The following AUTS2 variants were observed in gnomAD, a reference collection of about 807,000 sequenced individuals.
AUTS2 encodes the protein activator of transcription and developmental regulator AUTS2, also known as autism susceptibility gene 2 protein.
In AUTS2, 17 loss-of-function variants were observed where a neutral mutation model predicts 112.4. The ratio of observed to expected loss-of-function variants is 0.15; its 90% CI spans 0.10 to 0.23. The LOEUF (loss-of-function observed/expected upper bound fraction) is 0.23, where lower values mean the gene tolerates loss of function less well. AUTS2 is among the 10% of genes least tolerant of loss of function. The pLI, the probability that AUTS2 is intolerant of heterozygous loss-of-function variation, is 1.00. For missense variants in AUTS2, 1,510 were observed against 1,701.6 expected, an observed-to-expected ratio of 0.89 and a Z score of 1.98; for synonymous variants, 751 against 702.7, an observed-to-expected ratio of 1.07 and a Z score of -1.09.
chr7:70,175,219 A>G (rs1254177950), intron 4 of AUTS2, among the ~76,000 whole-genome samples: 1 of 152,196 alleles, frequency 6.6e-6, no homozygotes, highest in Non-Finnish European at 1.5e-5. Context: ...ATGCATGGAA[A>G]TATCAAGAGA....
intron 1 of AUTS2, among the ~76,000 whole-genome samples, chr7:69,753,616 C>T (rs565870602): frequency 6.6e-6 from 1 of 152,140 alleles, no homozygotes. Flanking sequence ...TGTGAACAAC[C>T]TTTGTTAGTG....
intron 1 of AUTS2, among the ~76,000 whole-genome samples, chr7:69,640,725 C>G (rs927895404): frequency 6.6e-6 from 1 of 152,144 alleles, no homozygotes; most frequent in Non-Finnish European, 1.5e-5. Context: ...ATTGTTCATT[C>G]CACTCTCCCA....
chr7:70,240,214 C>T (rs1812540599), intron 4 of AUTS2, among the ~76,000 whole-genome samples: 1 of 152,146 alleles, frequency 6.6e-6, no homozygotes. Flanking sequence ...CAATATGGTG[C>T]CTCTTTCAGA....
intron 1 of AUTS2, among the ~76,000 whole-genome samples, chr7:69,844,407 G>T (rs979810577): frequency 1.3e-5 from 2 of 152,134 alleles, no homozygotes; most frequent in Non-Finnish European, 2.9e-5. Flanking sequence ...AGAAAGATGT[G>T]GTCTTCTAGC....
chr7:70,440,181 C>T (rs1023872188), intron 5 of AUTS2, among the ~76,000 whole-genome samples: 3 of 148,654 alleles, frequency 2.0e-5, no homozygotes, highest in Non-Finnish European at 4.4e-5. Flanking sequence ...TCTTTGAGCC[C>T]TAGAGTTTGA....
At chr7:69,971,383 A>G (rs930301041) in intron 2 of AUTS2, among the ~76,000 whole-genome samples, 5 of 152,184 alleles carry the variant, frequency 3.3e-5, no homozygotes, top group Non-Finnish European at 7.3e-5. Flanking sequence ...TAAACTTCTT[A>G]TTTTGAGATA....
At position 69,876,638 on chromosome 7, in the gene AUTS2, C is replaced by T. The variant is rs749152008; in HGVS notation, c.310-22648C>T. On this transcript the variant is annotated intron_variant, in intron 1 of 18. Transcript: ENST00000342771. Reference sequence around the variant, plus strand: ...TTGATAGGTGTGAGACAGTCTTTTCCTCAGAGGGTTTGTATCCTAGGAGTA... The same window carrying T: ...TTGATAGGTGTGAGACAGTCTTTTCTTCAGAGGGTTTGTATCCTAGGAGTA... Among the ~76,000 whole-genome samples, 6 of 147,814 alleles carry T rather than the reference C, an allele frequency of 4.1e-5. No homozygotes were observed. The Admixed American group carries it at 4.1e-4, about 10-fold the overall frequency.
At chr7:69,826,519 A>G (rs1005438415) in intron 1 of AUTS2, among the ~76,000 whole-genome samples, 14 of 152,126 alleles carry the variant, frequency 9.2e-5, no homozygotes, top group African/African-American at 3.4e-4. Context: ...CTTTATTTGC[A>G]TTGCATGTGC....
intron 5 of AUTS2, among the ~76,000 whole-genome samples, chr7:70,559,345 T>A (rs1397465723): frequency 6.6e-6 from 1 of 151,902 alleles, no homozygotes; most frequent in Non-Finnish European, 1.5e-5. Context: ...TTCTTTTTTT[T>A]TTTTTCTGAG....
At chr7:70,576,160 C>G (rs1802155736) in intron 5 of AUTS2, among the ~76,000 whole-genome samples, 2 of 152,076 alleles carry the variant, frequency 1.3e-5, no homozygotes, top group Admixed American at 1.3e-4. Flanking sequence ...CAAATTCTGG[C>G]CTAATCACCA....
intron 4 of AUTS2, among the ~76,000 whole-genome samples, chr7:70,301,737 A>G (rs530966688): frequency 1.3e-5 from 2 of 152,234 alleles, no homozygotes; most frequent in South Asian, 4.1e-4. Flanking sequence ...AAAAAATGCC[A>G]TACTAAAGTC....
intron 4 of AUTS2, among the ~76,000 whole-genome samples, chr7:70,183,473 C>G (rs150949510): frequency 6.6e-6 from 1 of 152,332 alleles, no homozygotes; most frequent in African/African-American, 2.4e-5. Flanking sequence ...CCTGCCCCCT[C>G]CCCTCATGGT....
At chr7:69,801,235 A>G (rs17353815) in intron 1 of AUTS2, among the ~76,000 whole-genome samples, 37,119 of 149,166 alleles carry the variant, frequency 0.25, 4,678 homozygotes, top group Middle Eastern at 0.33. Context: ...CTAGTTGCCA[A>G]TTTCAGCATT....
At chr7:70,519,254 A>G (rs1207328482) in intron 5 of AUTS2, among the ~76,000 whole-genome samples, 1 of 152,130 alleles carries the variant, frequency 6.6e-6, no homozygotes, top group Non-Finnish European at 1.5e-5. Flanking sequence ...AAGACTAATA[A>G]AGTTAAAGGA....
rs145263079 is a variant in AUTS2 at position 69,778,395 on chromosome 7, G to T, written c.310-120891G>T. Reference sequence around the variant, plus strand: ...TGGCTGTATGTTAGAATCACCCAGGGAGTTTAAAAAAAAACCCATGCCAAG... The same window carrying T: ...TGGCTGTATGTTAGAATCACCCAGGTAGTTTAAAAAAAAACCCATGCCAAG... On this transcript the variant is annotated intron_variant, in intron 1 of 18. Coordinates refer to ENST00000342771, the MANE Select transcript of AUTS2 (RefSeq NM_015570.4). 8.8e-3 allele frequency among the ~76,000 whole-genome samples: 1,324 copies of T among 151,314 alleles called. 22 individuals carry two copies. The highest frequency in any genetic ancestry group is 0.031 in the African/African-American group (1,261 of 41,258).
intron 5 of AUTS2, among the ~76,000 whole-genome samples, chr7:70,654,866 A>G (rs1302559465): frequency 2.0e-5 from 3 of 152,196 alleles, no homozygotes; most frequent in Non-Finnish European, 4.4e-5. Flanking sequence ...GTTAATAATG[A>G]CTTTAAAAAT....
At chr7:69,742,338 A>G (rs1014294881) in intron 1 of AUTS2, among the ~76,000 whole-genome samples, 2 of 151,986 alleles carry the variant, frequency 1.3e-5, no homozygotes, top group African/African-American at 4.8e-5. Flanking sequence ...AGTTAGCTGG[A>G]TACACAGTTC....
intron 1 of AUTS2, among the ~76,000 whole-genome samples, chr7:69,883,157 G>A (rs1045129651): frequency 2.6e-5 from 4 of 152,180 alleles, no homozygotes; most frequent in South Asian, 2.1e-4. Flanking sequence ...AGTAGGGATA[G>A]CAGTGAAGTG....
At position 70,562,521 on chromosome 7, in the gene AUTS2, C is replaced by T. The variant is rs1801532959; in HGVS notation, c.690+126740C>T. 2.0e-5 allele frequency among the ~76,000 whole-genome samples: 3 copies of T among 152,188 alleles called. No individual in the cohort carries two copies. The South Asian group carries it at 6.2e-4, about 31-fold the overall frequency. ...AAGTATTTGGAAGTGATCTTAGAAT[C>T]TCTGCTCATTTATGTCACCACTGTT... On this transcript the variant is annotated intron_variant, in intron 5 of 18. Transcript: ENST00000342771.
Sources: gnomAD v4.1 joint callset for allele counts (sites outside exome capture counted in the v4.1 genomes callset) on GRCh38, gnomAD v4.1.1 for gene constraint, MANE v1.5 for transcripts, NCBI Gene and HGNC (gene_info 2026-07-23, HGNC 2026-07-21) for gene names.